The following DLG2 variants were observed in gnomAD, a reference collection of about 807,000 sequenced individuals.
The protein encoded by DLG2 is discs large MAGUK scaffold protein 2, also known as disks large homolog 2.
Under a neutral mutation model 132.5 loss-of-function variants are expected in DLG2, and 45 were observed. That is an observed-to-expected ratio of 0.34 (90% CI 0.27 to 0.44). The LOEUF is 0.44. Among genes scored for constraint, DLG2 ranks in the 20% least tolerant of loss-of-function variants. DLG2 has a pLI of 1.00. For synonymous variants in DLG2, 424 were observed against 419.6 expected (o/e 1.01, Z -0.13); for missense variants, 1,045 against 1,196.9 (o/e 0.87, Z 1.87).
chr11:84,716,058 C>T (rs1157096425), intron 6 of DLG2, among the ~76,000 whole-genome samples: 2 of 152,028 alleles, frequency 1.3e-5, no homozygotes, highest in African/African-American at 2.4e-5. Flanking sequence ...TTTCTCCATA[C>T]CCTTGACAAC....
At chr11:84,169,034 T>G (rs2154267555) in intron 8 of DLG2, among the ~76,000 whole-genome samples, 1 of 152,326 alleles carries the variant, frequency 6.6e-6, no homozygotes, top group South Asian at 2.1e-4. Context: ...AAAAGACAGA[T>G]TTGAATCTTC....
chr11:84,279,301 G>T (rs1160142235), intron 7 of DLG2, among the ~76,000 whole-genome samples: 1 of 152,030 alleles, frequency 6.6e-6, no homozygotes, highest in Non-Finnish European at 1.5e-5. Context: ...TCATTAAAAA[G>T]GAAACAACAG....
At chr11:84,492,563 G>T (rs927726585) in intron 7 of DLG2, among the ~76,000 whole-genome samples, 1 of 152,104 alleles carries the variant, frequency 6.6e-6, no homozygotes, top group Non-Finnish European at 1.5e-5. Flanking sequence ...TAAACCTCAG[G>T]TTCCTCAGCT....
chr11:83,928,141 A>C (rs2079341179), intron 15 of DLG2, among the ~76,000 whole-genome samples: 1 of 152,094 alleles, frequency 6.6e-6, no homozygotes, highest in Non-Finnish European at 1.5e-5. Context: ...GAAAAAGAAA[A>C]AAAGAAGGAG....
chr11:85,570,111 TA>T (rs1464593689), intron 3 of DLG2, among the ~76,000 whole-genome samples: 1 of 152,154 alleles, frequency 6.6e-6, no homozygotes, highest in Non-Finnish European at 1.5e-5. Flanking sequence ...CTCCTGTATC[TA>T]AAATAAAAGT....
At chr11:85,535,662 C>A (rs2075532144) in intron 3 of DLG2, among the ~76,000 whole-genome samples, 1 of 152,050 alleles carries the variant, frequency 6.6e-6, no homozygotes, top group Non-Finnish European at 1.5e-5. Context: ...AAACAGATGT[C>A]CACACAAAAA....
chr11:84,469,560 T>A (rs10501563), intron 7 of DLG2, among the ~76,000 whole-genome samples: 36,504 of 151,470 alleles, frequency 0.24, 4,573 homozygotes, highest in South Asian at 0.37. Context: ...TTGTTCTCAT[T>A]CTGTATATTG....
At chr11:84,349,257 G>A (rs1169308398) in intron 7 of DLG2, among the ~76,000 whole-genome samples, 3 of 152,062 alleles carry the variant, frequency 2.0e-5, no homozygotes, top group Non-Finnish European at 4.4e-5. Flanking sequence ...ACAGAATATT[G>A]ATGGGTCAGA....
chr11:84,036,598 T>G lies in DLG2; in HGVS notation c.919+22717A>C, dbSNP rs577865613. 2.6e-5 allele frequency among the ~76,000 whole-genome samples: 4 copies of G among 152,278 alleles called. No homozygotes were observed. The South Asian group carries it at 8.3e-4, about 32-fold the overall frequency. ...ACCATTTCTCACAATTATGTTTTCT[T>G]ACTGAGGAATTGCATTGATGAAAGC... On this transcript the variant is annotated intron_variant, in intron 11 of 27. Coordinates refer to ENST00000376104, the MANE Select transcript of DLG2 (RefSeq NM_001142699.3).
At chr11:84,652,008 T>C (rs1338214650) in intron 6 of DLG2, among the ~76,000 whole-genome samples, 2 of 152,070 alleles carry the variant, frequency 1.3e-5, no homozygotes, top group Non-Finnish European at 2.9e-5. Flanking sequence ...GACTAGATAA[T>C]ATAGCAGGAG....
At chr11:85,312,571 T>C (rs2080383416) in intron 3 of DLG2, among the ~76,000 whole-genome samples, 1 of 151,910 alleles carries the variant, frequency 6.6e-6, no homozygotes, top group Non-Finnish European at 1.5e-5. Context: ...GATTTTCAAA[T>C]TCCTAAGTCC....
At chr11:85,485,328 T>C (rs557968240) in intron 3 of DLG2, among the ~76,000 whole-genome samples, 247 of 152,158 alleles carry the variant, frequency 1.6e-3, no homozygotes, top group Non-Finnish European at 2.2e-3. Flanking sequence ...ATTGTGCACA[T>C]GTACCCTAAA....
At chr11:84,048,138 G>A (rs1030099107) in intron 11 of DLG2, among the ~76,000 whole-genome samples, 1 of 151,002 alleles carries the variant, frequency 6.6e-6, no homozygotes, top group Non-Finnish European at 1.5e-5. Context: ...CAAATATGGT[G>A]TCCTTCATTT....
intron 14 of DLG2, among the ~76,000 whole-genome samples, chr11:83,937,231 G>A (rs2081636056): frequency 6.6e-6 from 1 of 152,114 alleles, no homozygotes; most frequent in Non-Finnish European, 1.5e-5. Flanking sequence ...AAACCAGCCG[G>A]GCGCGGTGGC....
intron 3 of DLG2, among the ~76,000 whole-genome samples, chr11:85,302,431 T>C (rs758650556): frequency 6.6e-6 from 1 of 152,200 alleles, no homozygotes; most frequent in Non-Finnish European, 1.5e-5. Context: ...CATCATCTTT[T>C]AGGAAGTGTC....
chr11:83,675,584 T>C (rs1041503295), intron 18 of DLG2, among the ~76,000 whole-genome samples: 4 of 152,228 alleles, frequency 2.6e-5, no homozygotes, highest in Admixed American at 2.0e-4. Flanking sequence ...TGACTCCAAA[T>C]CTGTATCCAC....
At chr11:84,021,204 G>T (rs1220705069) in intron 11 of DLG2, among the ~76,000 whole-genome samples, 1 of 151,916 alleles carries the variant, frequency 6.6e-6, no homozygotes, top group African/African-American at 2.4e-5. Flanking sequence ...TTTAACATTG[G>T]TATTACTGTT....
At chr11:84,896,997 T>C (rs935817467) in intron 6 of DLG2, among the ~76,000 whole-genome samples, 1 of 151,850 alleles carries the variant, frequency 6.6e-6, no homozygotes, top group East Asian at 1.9e-4. Context: ...TAAAATGAGT[T>C]TCTATGTACC....
At chr11:84,776,548 T>C (rs926582016) in intron 6 of DLG2, among the ~76,000 whole-genome samples, 1 of 152,202 alleles carries the variant, frequency 6.6e-6, no homozygotes, top group Non-Finnish European at 1.5e-5. Flanking sequence ...CTTTTATGTA[T>C]GTTTATAATT....
Sources: gnomAD v4.1 joint callset for allele counts (sites outside exome capture counted in the v4.1 genomes callset) on GRCh38, gnomAD v4.1.1 for gene constraint, MANE v1.5 for transcripts, NCBI Gene and HGNC (gene_info 2026-07-23, HGNC 2026-07-21) for gene names.